SCUBE2: variants seen among roughly 807,000 people sequenced by gnomAD.
SCUBE2 encodes signal peptide, CUB domain and EGF like domain containing 2.
SCUBE2 carries 114 observed loss-of-function variants against 125.9 expected under a neutral mutation model. The ratio of observed to expected loss-of-function variants is 0.91; its 90% CI spans 0.78 to 1.06. The LOEUF (loss-of-function observed/expected upper bound fraction) is 1.06. Among genes scored for constraint, SCUBE2 ranks in the 50% least tolerant of loss-of-function variants. The pLI is 0.00. For synonymous variants in SCUBE2, 459 were observed against 492.9 expected (o/e 0.93, Z 0.91); for missense variants, 1,255 against 1,301.8 (o/e 0.96, Z 0.55).
intron 7 of SCUBE2, among the ~76,000 whole-genome samples, chr11:9,063,377 T>C (rs1859873960): frequency 6.6e-6 from 1 of 152,234 alleles, no homozygotes; most frequent in South Asian, 2.1e-4. Flanking sequence ...AGGAACATTA[T>C]TGTAAAACTT....
Position 9,069,405 on chromosome 11 carries a change from C to T in SCUBE2, c.608G>A (p.Gly203Asp). 6.2e-7 allele frequency: 1 copy of T among 1,614,248 alleles called. No homozygotes were observed. The highest frequency in any genetic ancestry group is 1.6e-4 in the Middle Eastern group (1 of 6,062). The change falls in exon 5 of 23, where the codon GGT becomes GAT. Residue 203 changes from glycine to aspartate, a missense_variant. Physicochemically the swap from Gly to Asp is moderately conservative, Grantham distance 94. Coordinates refer to ENST00000649792, the MANE Select transcript of SCUBE2 (RefSeq NM_001367977.2). ...RGSVACECRP[G>D]FELAKNQRDC... Reference sequence around the variant, plus strand: ...TCTCTGGTTCTTGGCCAGCTCAAAACCAGGCCTGCACTCACAGGCGACGCT... The same window carrying T: ...TCTCTGGTTCTTGGCCAGCTCAAAATCAGGCCTGCACTCACAGGCGACGCT...
Position 9,023,689 on chromosome 11 carries a change from G to T in SCUBE2, c.2855-1734C>A, listed in dbSNP as rs1855496427. ...GTCCCACAGTCCTGGTTCAAACCTT[G>T]CTTTGCAACCTTGCCATGCTGGGAC... On this transcript the variant is annotated intron_variant, in intron 21 of 22. Coordinates refer to ENST00000649792, the MANE Select transcript of SCUBE2 (RefSeq NM_001367977.2). Among the ~76,000 whole-genome samples the T allele has an allele frequency of 3.9e-5, 6 of 152,336 alleles. No individual in the cohort carries two copies. In the South Asian group the frequency reaches 1.2e-3, roughly 32 times the overall value.
intron 3 of SCUBE2, among the ~76,000 whole-genome samples, chr11:9,075,103 C>T (rs1186013523): frequency 6.6e-6 from 1 of 151,376 alleles, no homozygotes; most frequent in Admixed American, 6.6e-5. Context: ...GTAATCCCAG[C>T]TACTGAGGCA....
At chr11:9,038,003 A>G (rs10743098) in intron 16 of SCUBE2, among the ~76,000 whole-genome samples, 64,090 of 151,954 alleles carry the variant, frequency 0.42, 16,082 homozygotes, top group East Asian at 0.56. Context: ...GTTATCTACT[A>G]TCCTTGGGAT....
intron 21 of SCUBE2, among the ~76,000 whole-genome samples, chr11:9,024,629 C>A (rs1397921002): frequency 6.6e-6 from 1 of 152,220 alleles, no homozygotes; most frequent in Non-Finnish European, 1.5e-5. Flanking sequence ...CCCACACACC[C>A]AACCCACTGA....
intron 2 of SCUBE2, 121 bp from the exon 3 acceptor site, chr11:9,079,630 G>A (rs1861474601): frequency 2.0e-6 from 2 of 1,011,204 alleles, no homozygotes; most frequent in Admixed American, 4.6e-5. Context: ...CTAACAATAG[G>A]AAAACAAATA....
chr11:9,060,290 A>T, intron 8 of SCUBE2, 118 bp downstream of exon 8: 1 of 735,658 alleles, frequency 1.4e-6, no homozygotes, highest in Non-Finnish European at 2.3e-6. Context: ...ATGAATCATA[A>T]GCAAATCTCG....
chr11:9,062,341 G>A (rs564262801), intron 7 of SCUBE2, among the ~76,000 whole-genome samples: 2 of 152,320 alleles, frequency 1.3e-5, no homozygotes, highest in African/African-American at 2.4e-5. Context: ...ACTCCTCTCC[G>A]GCTAAATTGA....
Position 9,062,853 on chromosome 11 carries a change from GAA to G in SCUBE2, c.851-2331_851-2330del, listed in dbSNP as rs77716079. On this transcript the variant is annotated intron_variant, in intron 7 of 22. Transcript: ENST00000649792. ...GAATAAAAATACAAGGGAGAGAAAA[GAA>G]AAAAAAAAAAATTAGGGGGTCAATC... Among the ~76,000 whole-genome samples, 6 of 138,916 alleles carry G rather than the reference GAA, an allele frequency of 4.3e-5. 1 individual carries two copies. Among genetic ancestry groups the G allele is most frequent in the Admixed American group, 2.2e-4 (3 of 13,766 alleles). 91.1% of individuals were successfully genotyped at this position (138,916 alleles called of 152,430 possible).
chr11:9,031,222 A>G, intron 17 of SCUBE2: 1 of 248,174 alleles, frequency 4.0e-6, no homozygotes, highest in Non-Finnish European at 7.7e-6. Flanking sequence ...GCTTAGGCCT[A>G]CACACTGCCT....
intron 18 of SCUBE2, 167 bp from the exon 19 acceptor site, chr11:9,030,212 G>A (rs2135128809): frequency 1.5e-6 from 1 of 684,166 alleles, no homozygotes; most frequent in East Asian, 2.7e-5. Context: ...AATAGGCAGT[G>A]TGGATGGGGC....
intron 7 of SCUBE2, among the ~76,000 whole-genome samples, chr11:9,063,567 C>G (rs1859891800): frequency 6.6e-6 from 1 of 152,234 alleles, no homozygotes. Context: ...ACTCTGAATT[C>G]TACACTGAGC....
chr11:9,089,867 C>T, intron 1 of SCUBE2, 38 bp from the exon 2 acceptor site: 1 of 1,607,778 alleles, frequency 6.2e-7, no homozygotes, highest in Non-Finnish European at 8.5e-7. Flanking sequence ...TACAGGCTCC[C>T]AGGCCATGTG....
At chr11:9,033,036 T>C (rs1386803881) in intron 17 of SCUBE2, among the ~76,000 whole-genome samples, 5 of 152,138 alleles carry the variant, frequency 3.3e-5, no homozygotes, top group South Asian at 2.1e-4. Flanking sequence ...ACACCTGCCA[T>C]TGGAGCCCAC....
At chr11:9,041,966 G>C (rs996595036) in intron 16 of SCUBE2, among the ~76,000 whole-genome samples, 1 of 152,124 alleles carries the variant, frequency 6.6e-6, no homozygotes, top group African/African-American at 2.4e-5. Context: ...CAAGATAGAG[G>C]GGGGCCTTAG....
At chr11:9,049,059 T>TA (rs1410305336) in intron 14 of SCUBE2, among the ~76,000 whole-genome samples, 1 of 152,172 alleles carries the variant, frequency 6.6e-6, no homozygotes, top group Non-Finnish European at 1.5e-5. Context: ...TCCATATATA[T>TA]TTTTTTAACT....
rs921012001 is a variant in SCUBE2 at position 9,045,336 on chromosome 11, T to C, written c.2002+2020A>G. Among the ~76,000 whole-genome samples, 12 of 152,266 alleles carry C rather than the reference T, an allele frequency of 7.9e-5. No individual in the cohort carries two copies. In the South Asian group the frequency reaches 2.3e-3, roughly 29 times the overall value. The stretch of plus-strand genomic sequence containing the variant: ...TTTACTGTATACATTTCTGTGCCAT[T>C]TGAAACAGGCACTACTTTCATAATT... On this transcript the variant is annotated intron_variant, in intron 16 of 22. Transcript: ENST00000649792.
At chr11:9,073,090 A>T (rs917692653) in intron 4 of SCUBE2, among the ~76,000 whole-genome samples, 1 of 152,214 alleles carries the variant, frequency 6.6e-6, no homozygotes, top group Non-Finnish European at 1.5e-5. Context: ...GAGGAAGCCA[A>T]AGTGACTTCC....
chr11:9,043,903 G>A (rs61876301), intron 16 of SCUBE2, among the ~76,000 whole-genome samples: 8,663 of 151,870 alleles, frequency 0.057, 318 homozygotes, highest in African/African-American at 0.096. Context: ...CGTTGGAAGC[G>A]ACATGCATAG....
Sources: gnomAD v4.1 joint callset for allele counts (sites outside exome capture counted in the v4.1 genomes callset) on GRCh38, gnomAD v4.1.1 for gene constraint, MANE v1.5 for transcripts, NCBI Gene and HGNC (gene_info 2026-07-23, HGNC 2026-07-21) for gene names.